The following DMD variants were observed in gnomAD, a reference collection of about 807,000 sequenced individuals.
The protein encoded by DMD is dystrophin.
Under a neutral mutation model 330.1 loss-of-function variants are expected in DMD, and 63 were observed. That is an observed-to-expected ratio of 0.19 (90% CI 0.16 to 0.24). The LOEUF (loss-of-function observed/expected upper bound fraction) is 0.24. Ranked by LOEUF, DMD falls within the 10% of genes least tolerant of loss-of-function variation. DMD has a pLI of 1.00. For synonymous variants in DMD, 1,223 were observed against 959.8 expected, an observed-to-expected ratio of 1.27 and a Z score of -5.07; for missense variants, 3,344 against 2,684.1, an observed-to-expected ratio of 1.25 and a Z score of -5.43.
intron 1 of DMD, among the ~76,000 whole-genome samples, chrX:33,085,271 T>A (rs1306852750): frequency 8.9e-6 from 1 of 111,874 alleles, no homozygotes; most frequent in African/African-American, 3.2e-5. Context: ...CTTACTTATA[T>A]ATTAAATTAG....
intron 62 of DMD, among the ~76,000 whole-genome samples, chrX:31,297,412 A>C (rs1260549525): frequency 3.6e-5 from 4 of 111,043 alleles, no homozygotes; most frequent in African/African-American, 1.3e-4. Flanking sequence ...CTTGAAACTT[A>C]CATAGATTTT....
At chrX:31,545,309 G>C (rs2074083398) in intron 55 of DMD, among the ~76,000 whole-genome samples, 1 of 111,651 alleles carries the variant, frequency 9.0e-6, no homozygotes, top group Non-Finnish European at 1.9e-5. Flanking sequence ...GGACAGCATG[G>C]AAGAGGCGTG....
At chrX:31,391,567 C>A (rs971465228) in intron 60 of DMD, among the ~76,000 whole-genome samples, 1 of 110,926 alleles carries the variant, frequency 9.0e-6, no homozygotes, top group Admixed American at 9.7e-5. Flanking sequence ...AATGAAAGGT[C>A]CTTGAACTAA....
chrX:31,900,901 T>C (rs1443529905), intron 47 of DMD, among the ~76,000 whole-genome samples: 1 of 111,355 alleles, frequency 9.0e-6, no homozygotes, highest in Non-Finnish European at 1.9e-5. Context: ...TCAGACTGAG[T>C]CTTCTAAAAT....
rs757729071 is a variant in DMD, at chrX:33,142,295, G to C, written c.31+68987C>G. The stretch of plus-strand genomic sequence containing the variant: ...AGAAAGGGTTTCACCATGTTGATCA[G>C]GCTGGTCTGGAACTCCTGACCTCAG... On this transcript the variant is annotated intron_variant, in intron 1 of 78. Transcript: ENST00000357033. Among the ~76,000 whole-genome samples the C allele has an allele frequency of 1.2e-4, 13 of 112,614 alleles. No individual in the cohort carries two copies. In the South Asian group the frequency reaches 4.8e-3, roughly 41 times the overall value.
At chrX:32,857,622 A>G (rs2081687469) in intron 2 of DMD, among the ~76,000 whole-genome samples, 1 of 112,131 alleles carries the variant, frequency 8.9e-6, no homozygotes, top group Admixed American at 9.5e-5. Context: ...TTATGAAAAG[A>G]AAAAATCCAG....
intron 44 of DMD, among the ~76,000 whole-genome samples, chrX:32,130,260 A>T (rs896698291): frequency 1.8e-5 from 2 of 111,789 alleles, no homozygotes; most frequent in Admixed American, 9.5e-5. Flanking sequence ...TTGGATTTAC[A>T]GATCAAGTGT....
intron 49 of DMD, 24 bp from the exon 50 acceptor site, chrX:31,820,107 T>C: frequency 4.5e-6 from 5 of 1,108,853 alleles, no homozygotes; most frequent in Non-Finnish European, 6.2e-6. Context: ...GCATACACAT[T>C]ACTTATTCGA....
chrX:32,300,410 G>A (rs1205629496), intron 42 of DMD, among the ~76,000 whole-genome samples: 4 of 110,956 alleles, frequency 3.6e-5, no homozygotes, highest in Non-Finnish European at 7.6e-5. Flanking sequence ...TAAGAAAAAA[G>A]TCCTTTATTC....
chrX:32,102,811 A>G (rs967948110), intron 44 of DMD, among the ~76,000 whole-genome samples: 1 of 111,665 alleles, frequency 9.0e-6, no homozygotes, highest in Non-Finnish European at 1.9e-5. Flanking sequence ...CCTTATTTTG[A>G]TGAAAATTCC....
In DMD at chrX:31,121,708, C is replaced by T. The variant is rs1451977091; in HGVS notation, c.*211G>A. 3 of 526,634 alleles carry T rather than the reference C, an allele frequency of 5.7e-6. No individual in the cohort carries two copies. Among genetic ancestry groups the T allele is most frequent in the African/African-American group, 4.7e-5 (2 of 42,716 alleles). 43.4% of individuals were successfully genotyped at this position (526,634 alleles called of 1,213,427 possible). On this transcript the variant is annotated 3_prime_UTR_variant, in exon 79 of 79. Coordinates refer to ENST00000357033, the MANE Select transcript of DMD (RefSeq NM_004006.3). ...TAACAGACTTAGAAACTACTGAAAT[C>T]TACAGTATAATACCACTACCCTTCA...
chrX:31,380,440 C>T (rs2060117838), intron 60 of DMD, among the ~76,000 whole-genome samples: 1 of 109,969 alleles, frequency 9.1e-6, no homozygotes, highest in African/African-American at 3.3e-5. Context: ...ATCATGCACC[C>T]CTTACCATCC....
chrX:31,452,488 C>A (rs892773789), intron 59 of DMD, among the ~76,000 whole-genome samples: 1 of 110,472 alleles, frequency 9.1e-6, no homozygotes, highest in Non-Finnish European at 1.9e-5. Flanking sequence ...GAGGCTGAGG[C>A]AGGAGAATTG....
intron 48 of DMD, among the ~76,000 whole-genome samples, chrX:31,845,375 G>GTC (rs535397626): frequency 0.028 from 1,708 of 59,963 alleles, 54 homozygotes; most frequent in South Asian, 0.029. Flanking sequence ...ACAGAATAAA[G>GTC]TCTCTCTCTC....
At chrX:32,360,729 G>C (rs1475955857) in intron 37 of DMD, among the ~76,000 whole-genome samples, 1 of 108,541 alleles carries the variant, frequency 9.2e-6, no homozygotes, top group Non-Finnish European at 1.9e-5. Context: ...AGAGGTTGCA[G>C]TGAGCTGAGG....
chrX:33,039,522 C>T (rs1223190954), intron 1 of DMD, among the ~76,000 whole-genome samples: 5 of 111,321 alleles, frequency 4.5e-5, no homozygotes, highest in African/African-American at 1.3e-4. Flanking sequence ...TTTTTCTTCA[C>T]CTTTAAATTA....
At chrX:31,226,279 A>ACAC (rs1278465919) in intron 63 of DMD, among the ~76,000 whole-genome samples, 1 of 112,013 alleles carries the variant, frequency 8.9e-6, no homozygotes, top group Non-Finnish European at 1.9e-5. Context: ...CTGTATACCA[A>ACAC]CACCATCCTG....
At chrX:32,573,413 C>T in intron 15 of DMD, 117 bp downstream of exon 15, 2 of 609,814 alleles carry the variant, frequency 3.3e-6, no homozygotes, top group Non-Finnish European at 5.3e-6. Flanking sequence ...TTTGAATAAT[C>T]TATGATCCAA....
intron 47 of DMD, among the ~76,000 whole-genome samples, chrX:31,906,019 G>A (rs1237709728): frequency 1.8e-5 from 2 of 111,948 alleles, no homozygotes; most frequent in African/African-American, 6.5e-5. Context: ...ATCTTAAGCT[G>A]TTGTTCCCAT....
Sources: gnomAD v4.1 joint callset for allele counts (sites outside exome capture counted in the v4.1 genomes callset) on GRCh38, gnomAD v4.1.1 for gene constraint, MANE v1.5 for transcripts, NCBI Gene and HGNC (gene_info 2026-07-23, HGNC 2026-07-21) for gene names.